The following MBNL3 variants were observed in gnomAD, a reference collection of about 807,000 sequenced individuals.
MBNL3 encodes the protein muscleblind-like protein 3.
Under a neutral mutation model 24.5 loss-of-function variants are expected in MBNL3, and 6 were observed. That is an observed-to-expected ratio of 0.25 (90% CI 0.13 to 0.48). The LOEUF (loss-of-function observed/expected upper bound fraction) is 0.48, where lower values mean the gene tolerates loss of function less well. Among genes scored for constraint, MBNL3 ranks in the 20% least tolerant of loss-of-function variants. The probability of loss-of-function intolerance (pLI) is 0.99; values close to 1 mark genes in which losing one functional copy is unlikely to be tolerated. For missense variants in MBNL3, 230 were observed against 293.5 expected, an observed-to-expected ratio of 0.78 and a Z score of 1.58; for synonymous variants, 100 against 101.7, an observed-to-expected ratio of 0.98 and a Z score of 0.10.
At chrX:132,423,862 CAGAT>C (rs1944055017) in intron 2 of MBNL3, among the ~76,000 whole-genome samples, 1 of 111,823 alleles carries the variant, frequency 8.9e-6, no homozygotes, top group African/African-American at 3.3e-5. Flanking sequence ...GAAAATCACT[CAGAT>C]AGCCTTATAA....
At chrX:132,413,486 A>G in intron 2 of MBNL3, 2 of 1,163,722 alleles carry the variant, frequency 1.7e-6, no homozygotes, top group Non-Finnish European at 1.1e-6. Flanking sequence ...TCTTTACCTT[A>G]AGATTCTTAG....
intron 1 of MBNL3, among the ~76,000 whole-genome samples, chrX:132,451,187 C>G (rs1287952829): frequency 8.9e-6 from 1 of 112,744 alleles, no homozygotes; most frequent in Non-Finnish European, 1.9e-5. Context: ...CTTAGCAGAG[C>G]TCAAGCACTG....
intron 1 of MBNL3, among the ~76,000 whole-genome samples, chrX:132,475,359 T>C (rs369877644): frequency 1.8e-5 from 2 of 112,124 alleles, no homozygotes; most frequent in Middle Eastern, 4.6e-3. Context: ...TCTTCATGGA[T>C]GGAAGAGGCA....
At chrX:132,425,324 A>AGAT (rs1321561143) in intron 2 of MBNL3, among the ~76,000 whole-genome samples, 4 of 112,026 alleles carry the variant, frequency 3.6e-5, no homozygotes, top group African/African-American at 1.3e-4. Flanking sequence ...ACAAACTCCA[A>AGAT]GATATAGTAC....
chrX:132,474,234 A>G (rs1212635055), intron 1 of MBNL3, among the ~76,000 whole-genome samples: 6 of 111,858 alleles, frequency 5.4e-5, no homozygotes, highest in African/African-American at 1.9e-4. Context: ...ACTGAATCCT[A>G]GTGTAAAGGC....
chrX:132,369,460 T>C lies in MBNL3; in HGVS notation c.*10206A>G. ...GCCATTTTTTCCAACAAAGAGTCAT[T>C]CAATTCTTCATGTCATGAAGGTTAA... On this transcript the variant is annotated 3_prime_UTR_variant, in exon 9 of 9. Transcript: ENST00000370853. 1 of 111,734 alleles carries C rather than the reference T, an allele frequency of 8.9e-6. No homozygotes were observed. Among genetic ancestry groups the C allele is most frequent in the Non-Finnish European group, 1.9e-5 (1 of 53,084 alleles). The allele number at this position is 111,734 out of a possible 1,213,427, so 9.2% of individuals were successfully genotyped here. A position where few individuals can be genotyped will look rare whatever the true frequency, so the allele number is the denominator to read the frequency against.
At chrX:132,438,723 T>C (rs1945248734) in intron 2 of MBNL3, among the ~76,000 whole-genome samples, 1 of 104,675 alleles carries the variant, frequency 9.6e-6, no homozygotes, top group Non-Finnish European at 2.0e-5. Context: ...ATACCTCATC[T>C]GGCCTCATAT....
At chrX:132,423,361 C>T (rs1483354141) in intron 2 of MBNL3, among the ~76,000 whole-genome samples, 1 of 111,189 alleles carries the variant, frequency 9.0e-6, no homozygotes, top group Non-Finnish European at 1.9e-5. Flanking sequence ...AAAACTGCCC[C>T]TCAGCTCTCC....
rs143012037 is a variant in MBNL3, at chrX:132,438,890, T to A, written c.177+545A>T. ...TGTAGCAATACGTTTAAGTTAAAGG[T>A]TCAAAATATACTTTGAGACGCTTCA... On this transcript the variant is annotated intron_variant, in intron 2 of 8. Coordinates refer to ENST00000370853, the MANE Select transcript of MBNL3 (RefSeq NM_001386889.1). 4.6e-5 allele frequency among the ~76,000 whole-genome samples: 5 copies of A among 108,821 alleles called. No homozygotes were observed. In the East Asian group the frequency reaches 1.4e-3, roughly 31 times the overall value. 94.5% of individuals were successfully genotyped at this position (108,821 alleles called of 115,157 possible). A position where few individuals can be genotyped will look rare whatever the true frequency, so the allele number is the denominator to read the frequency against.
chrX:132,386,563 C>CT, intron 6 of MBNL3, 98 bp downstream of exon 6: 1 of 950,356 alleles, frequency 1.1e-6, no homozygotes, highest in Non-Finnish European at 1.4e-6. Context: ...AAATACATGT[C>CT]GACAGTCCTC....
chrX:132,446,989 CATTT>C (rs1205826711), intron 1 of MBNL3, among the ~76,000 whole-genome samples: 1 of 111,746 alleles, frequency 8.9e-6, no homozygotes, highest in Non-Finnish European at 1.9e-5. Context: ...TTCTCAATAC[CATTT>C]ATTAAATAGG....
chrX:132,412,445 A>C (rs1053672967), intron 2 of MBNL3, among the ~76,000 whole-genome samples: 2 of 112,552 alleles, frequency 1.8e-5, no homozygotes, highest in Non-Finnish European at 3.8e-5. Flanking sequence ...ACTAAGACAA[A>C]GGTGGCTTTA....
chrX:132,454,702 A>T (rs1323620539), intron 1 of MBNL3, among the ~76,000 whole-genome samples: 2 of 112,101 alleles, frequency 1.8e-5, no homozygotes, highest in East Asian at 5.6e-4. Context: ...TTGTGTCTCA[A>T]CTTACTGTTT....
chrX:132,432,784 C>A (rs1421126729), intron 2 of MBNL3: 1 of 107,201 alleles, frequency 9.3e-6, no homozygotes, highest in Admixed American at 1.0e-4. Flanking sequence ...AATATCCATT[C>A]AAAAATTAAA....
chrX:132,398,172 G>C (rs1189200106), intron 3 of MBNL3, among the ~76,000 whole-genome samples: 1 of 111,379 alleles, frequency 9.0e-6, no homozygotes, highest in Non-Finnish European at 1.9e-5. Context: ...ATAGGTGATT[G>C]TGAGTATAAG....
intron 2 of MBNL3, among the ~76,000 whole-genome samples, chrX:132,437,475 C>T (rs944952298): frequency 9.0e-6 from 1 of 111,708 alleles, no homozygotes; most frequent in African/African-American, 3.3e-5. Context: ...TATGGTTTTC[C>T]ATTTGTACTA....
At chrX:132,386,525 C>G in intron 6 of MBNL3, 136 bp downstream of exon 6, 2 of 675,300 alleles carry the variant, frequency 3.0e-6, no homozygotes, top group Non-Finnish European at 4.2e-6. Context: ...AGCAGATAAG[C>G]ATAACTTCCT....
At chrX:132,416,131 C>T (rs1299293267) in intron 2 of MBNL3, among the ~76,000 whole-genome samples, 3 of 111,233 alleles carry the variant, frequency 2.7e-5, no homozygotes, top group Admixed American at 9.6e-5. Context: ...TCACAATGGC[C>T]GAGATATGGA....
intron 1 of MBNL3, among the ~76,000 whole-genome samples, chrX:132,462,797 C>T (rs1033293191): frequency 4.5e-5 from 5 of 111,276 alleles, no homozygotes; most frequent in East Asian, 5.6e-4. Flanking sequence ...GTATTCAATA[C>T]GTGACACAGT....
Sources: gnomAD v4.1 joint callset for allele counts (sites outside exome capture counted in the v4.1 genomes callset) on GRCh38, gnomAD v4.1.1 for gene constraint, MANE v1.5 for transcripts, NCBI Gene and HGNC (gene_info 2026-07-23, HGNC 2026-07-21) for gene names.